Variants in SHROOM3 observed in about 807,000 individuals in gnomAD.
The protein encoded by SHROOM3 is shroom family member 3.
Under a neutral mutation model 138.6 loss-of-function variants are expected in SHROOM3, and 47 were observed. The ratio of observed to expected loss-of-function variants is 0.34; its 90% CI spans 0.27 to 0.43. The LOEUF (loss-of-function observed/expected upper bound fraction) is 0.43. Ranked by LOEUF, SHROOM3 falls within the 20% of genes least tolerant of loss-of-function variation. The pLI, the probability that SHROOM3 is intolerant of heterozygous loss-of-function variation, is 1.00. For missense variants in SHROOM3, 2,491 were observed against 2,596.5 expected, an observed-to-expected ratio of 0.96 and a Z score of 0.88; for synonymous variants, 1,062 against 1,063.3, an observed-to-expected ratio of 1.00 and a Z score of 0.02.
At position 76,754,183 on chromosome 4, in the gene SHROOM3, GT is replaced by G; in HGVS notation, c.3828-125del. The G allele has an allele frequency of 2.4e-6, 3 of 1,240,976 alleles. No individual in the cohort carries two copies. The South Asian group carries it at 3.7e-5, about 15-fold the overall frequency. The allele number at this position is 1,240,976 out of a possible 1,614,324, so 76.9% of individuals were successfully genotyped here. ...GAGCAGCCAGGGAAGACAGTGTGCA[GT>G]TTCTGGGGGAAGGAAAAGAGGTCCT... is the stretch of plus-strand genomic sequence containing the variant. On this transcript the variant is annotated intron_variant, in intron 6 of 10. Coordinates refer to ENST00000296043, the MANE Select transcript of SHROOM3 (RefSeq NM_020859.4).
Position 76,542,805 on chromosome 4 carries a change from G to A in SHROOM3, c.169-12804G>A, listed in dbSNP as rs1185245802. On this transcript the variant is annotated intron_variant, in intron 1 of 10. Coordinates refer to ENST00000296043, the MANE Select transcript of SHROOM3 (RefSeq NM_020859.4). Reference sequence around the variant, plus strand: ...TTGCAGTGATTTGTTACAGCAACCAGAGGAAACTAATACAGTGGTAAAGCT... The same window carrying A: ...TTGCAGTGATTTGTTACAGCAACCAAAGGAAACTAATACAGTGGTAAAGCT... Among the ~76,000 whole-genome samples, 5 of 152,218 alleles carry A rather than the reference G, an allele frequency of 3.3e-5. No individual in the cohort carries two copies. In the East Asian group the frequency reaches 9.6e-4, roughly 29 times the overall value.
chr4:76,660,830 T>A (rs1736168585), intron 2 of SHROOM3, among the ~76,000 whole-genome samples: 1 of 151,968 alleles, frequency 6.6e-6, no homozygotes, highest in African/African-American at 2.4e-5. Flanking sequence ...TGAGACACAG[T>A]CTCACTCTGT....
In SHROOM3 at chr4:76,491,405, A is replaced by G. The variant is rs143532200; in HGVS notation, c.168+55185A>G. On this transcript the variant is annotated intron_variant, in intron 1 of 10. Coordinates refer to ENST00000296043, the MANE Select transcript of SHROOM3 (RefSeq NM_020859.4). ...GTGGCAGCTCTTTCTTCATTGTCAGAGCCTTTGTTTTACTACACAGAAGCT... is the reference window on the plus strand; with the variant it reads ...GTGGCAGCTCTTTCTTCATTGTCAGGGCCTTTGTTTTACTACACAGAAGCT... Among the ~76,000 whole-genome samples, 560 of 152,302 alleles carry G rather than the reference A, an allele frequency of 3.7e-3. 4 individuals are homozygous for G. Among genetic ancestry groups the G allele is most frequent in the African/African-American group, 0.013 (539 of 41,572 alleles).
chr4:76,686,908 CG>C (rs1355135833), intron 2 of SHROOM3, among the ~76,000 whole-genome samples: 1 of 152,152 alleles, frequency 6.6e-6, no homozygotes, highest in Non-Finnish European at 1.5e-5. Context: ...GGACCACCTG[CG>C]GGACCTTGCA....
chr4:76,725,645 C>G (rs1224073460), intron 3 of SHROOM3, among the ~76,000 whole-genome samples: 1 of 152,208 alleles, frequency 6.6e-6, no homozygotes, highest in Admixed American at 6.5e-5. Flanking sequence ...TCTCCCTCTT[C>G]CAGGTTAGGT....
intron 1 of SHROOM3, among the ~76,000 whole-genome samples, chr4:76,479,064 C>T (rs745862741): frequency 1.5e-4 from 23 of 151,996 alleles, no homozygotes; most frequent in African/African-American, 2.9e-4. Context: ...AAAACCAGAA[C>T]GCCTCTTCTT....
At chr4:76,648,985 A>T (rs201429695) in intron 2 of SHROOM3, among the ~76,000 whole-genome samples, 4 of 151,986 alleles carry the variant, frequency 2.6e-5, no homozygotes, top group Admixed American at 2.6e-4. Context: ...GGAGGACAAA[A>T]TTTTTTAAGA....
At chr4:76,694,103 A>G (rs1719652471) in intron 2 of SHROOM3, among the ~76,000 whole-genome samples, 1 of 152,240 alleles carries the variant, frequency 6.6e-6, no homozygotes, top group Non-Finnish European at 1.5e-5. Context: ...TTTAAGTTCA[A>G]CAAAGCATTT....
chr4:76,616,851 A>T (rs1734893466), intron 2 of SHROOM3, among the ~76,000 whole-genome samples: 1 of 152,248 alleles, frequency 6.6e-6, no homozygotes, highest in African/African-American at 2.4e-5. Context: ...ACCACAATTT[A>T]AAAATACCTA....
At chr4:76,519,329 C>T (rs1016237315) in intron 1 of SHROOM3, among the ~76,000 whole-genome samples, 1 of 152,006 alleles carries the variant, frequency 6.6e-6, no homozygotes. Flanking sequence ...ACCAAGAGGC[C>T]CCAGTTTACT....
At chr4:76,534,329 A>C (rs1732903202) in intron 1 of SHROOM3, among the ~76,000 whole-genome samples, 1 of 152,220 alleles carries the variant, frequency 6.6e-6, no homozygotes, top group Non-Finnish European at 1.5e-5. Flanking sequence ...TGGGACCTTC[A>C]TTGAAACCCC....
At chr4:76,561,055 T>C (rs770762554) in intron 2 of SHROOM3, among the ~76,000 whole-genome samples, 1 of 152,200 alleles carries the variant, frequency 6.6e-6, no homozygotes, top group Non-Finnish European at 1.5e-5. Flanking sequence ...GAAGTCCTAG[T>C]TAATGGGAAG....
chr4:76,608,472 G>C (rs1466537676), intron 2 of SHROOM3, among the ~76,000 whole-genome samples: 1 of 151,820 alleles, frequency 6.6e-6, no homozygotes, highest in East Asian at 1.9e-4. Flanking sequence ...CAGTCCATTG[G>C]CCTGGTCATT....
In SHROOM3 at chr4:76,740,942, C is replaced by A. The variant is rs2110134582; in HGVS notation, c.2769C>A (p.Ala923=). Reference sequence around the variant, plus strand: ...TGCTGGATGCCCCCTTCAGCCGCGCCTACCGGAACAGCATCAAGGACGCAC... The same window carrying A: ...TGCTGGATGCCCCCTTCAGCCGCGCATACCGGAACAGCATCAAGGACGCAC... The part of the protein sequence containing the change: ...SPLLDAPFSR[A]YRNSIKDAQS... The change falls in exon 5 of 11, where the codon GCC becomes GCA. Residue 923 remains alanine, a synonymous_variant. Coordinates refer to ENST00000296043, the MANE Select transcript of SHROOM3 (RefSeq NM_020859.4). This position sits in a 1 kb window ranked among gnomAD's most constrained non-coding sequence, Gnocchi z 4.0. 6.7e-7 allele frequency: 1 copy of A among 1,497,056 alleles called. No homozygotes were observed. Among genetic ancestry groups the A allele is most frequent in the African/African-American group, 1.4e-5 (1 of 71,156 alleles). The allele number at this position is 1,497,056 out of a possible 1,614,324, so 92.7% of individuals were successfully genotyped here.
intron 3 of SHROOM3, among the ~76,000 whole-genome samples, chr4:76,723,238 A>G (rs1720602163): frequency 6.6e-6 from 1 of 152,144 alleles, no homozygotes; most frequent in Non-Finnish European, 1.5e-5. Flanking sequence ...TTTTGTATCC[A>G]AAATGCCTCT....
At chr4:76,650,943 T>C (rs569319176) in intron 2 of SHROOM3, among the ~76,000 whole-genome samples, 1 of 152,198 alleles carries the variant, frequency 6.6e-6, no homozygotes, top group Non-Finnish European at 1.5e-5. Flanking sequence ...TGGAGTACTA[T>C]TTAGCCATGA....
At chr4:76,596,065 C>G (rs576402115) in intron 2 of SHROOM3, among the ~76,000 whole-genome samples, 2 of 152,084 alleles carry the variant, frequency 1.3e-5, no homozygotes, top group African/African-American at 4.8e-5. Context: ...TCACCTTGCT[C>G]TCTCTGTCTA....
chr4:76,672,633 C>A (rs1241441934), intron 2 of SHROOM3, among the ~76,000 whole-genome samples: 3 of 152,078 alleles, frequency 2.0e-5, no homozygotes, highest in Admixed American at 1.3e-4. Context: ...AGTGCAGTGG[C>A]GTGATCTCAG....
At chr4:76,682,431 G>A (rs1464176555) in intron 2 of SHROOM3, among the ~76,000 whole-genome samples, 1 of 152,132 alleles carries the variant, frequency 6.6e-6, no homozygotes, top group Admixed American at 6.5e-5. Flanking sequence ...AATTCAGTCC[G>A]CACTTTTGAC....
Sources: allele counts gnomAD v4.1 joint callset (sites outside exome capture counted in the v4.1 genomes callset), GRCh38; gene constraint gnomAD v4.1.1; non-coding constraint Gnocchi (gnomAD v3.1); transcripts MANE v1.5; gene names NCBI Gene and HGNC (gene_info 2026-07-23, HGNC 2026-07-21).